RAD51B: variants seen among roughly 807,000 people sequenced by gnomAD.
RAD51B encodes the protein DNA repair protein RAD51 homolog 2.
In RAD51B, 38 loss-of-function variants were observed where a neutral mutation model predicts 42.2. The ratio of observed to expected loss-of-function variants is 0.90; its 90% CI spans 0.70 to 1.18. RAD51B has a LOEUF of 1.18. Ranked by LOEUF, RAD51B falls within the 50% of genes most tolerant of loss-of-function variation. RAD51B has a pLI of 0.00. For synonymous variants in RAD51B, 154 were observed against 145.2 expected, an observed-to-expected ratio of 1.06 and a Z score of -0.43; for missense variants, 373 against 400.7, an observed-to-expected ratio of 0.93 and a Z score of 0.59.
At chr14:68,056,000 T>A (rs1476723984) in intron 7 of RAD51B, among the ~76,000 whole-genome samples, 1 of 152,154 alleles carries the variant, frequency 6.6e-6, no homozygotes, top group Non-Finnish European at 1.5e-5. Flanking sequence ...AAGAAATGAC[T>A]TTTTTAGTGC....
At chr14:68,595,261 G>T (rs1890941880) in exon 11 of RAD51B, 1 of 1,060,064 alleles carries the variant, frequency 9.4e-7, no homozygotes, top group Non-Finnish European at 1.1e-6. Flanking sequence ...GCTTCCAGTT[G>T]CTTCTACAGG....
intron 8 of RAD51B, among the ~76,000 whole-genome samples, chr14:68,355,544 G>A (rs1436144451): frequency 6.6e-6 from 1 of 152,120 alleles, no homozygotes; most frequent in East Asian, 1.9e-4. Flanking sequence ...ATACCTCCCT[G>A]GAACCGGACT....
At chr14:68,359,504 T>G (rs2082975964) in intron 8 of RAD51B, among the ~76,000 whole-genome samples, 1 of 152,030 alleles carries the variant, frequency 6.6e-6, no homozygotes, top group African/African-American at 2.4e-5. Context: ...TGCTTCGAGG[T>G]AGTGAGTGGG....
chr14:68,431,439 A>G (rs535125844), intron 9 of RAD51B, among the ~76,000 whole-genome samples: 22 of 152,064 alleles, frequency 1.4e-4, no homozygotes, highest in Non-Finnish European at 2.9e-4. Flanking sequence ...GCCTGTTATT[A>G]GTCTATTCAG....
intron 7 of RAD51B, among the ~76,000 whole-genome samples, chr14:67,922,982 C>T (rs994997415): frequency 1.3e-5 from 2 of 152,158 alleles, no homozygotes; most frequent in Non-Finnish European, 2.9e-5. Context: ...TGGGCCACTG[C>T]GCCCAGCCGT....
chr14:68,500,549 T>C (rs1268501446), intron 10 of RAD51B, among the ~76,000 whole-genome samples: 2 of 152,236 alleles, frequency 1.3e-5, no homozygotes, highest in Non-Finnish European at 2.9e-5. Context: ...GCACTGGCAT[T>C]AGAGTTTCTT....
chr14:68,260,072 G>GA (rs1266509517), intron 7 of RAD51B, among the ~76,000 whole-genome samples: 1 of 148,638 alleles, frequency 6.7e-6, no homozygotes, highest in Non-Finnish European at 1.5e-5. Context: ...AAGTGATAAT[G>GA]GGGGGGTGTG....
At chr14:68,522,549 C>T (rs1886654999) in intron 10 of RAD51B, among the ~76,000 whole-genome samples, 1 of 152,196 alleles carries the variant, frequency 6.6e-6, no homozygotes, top group African/African-American at 2.4e-5. Context: ...GCTACACTTT[C>T]TAAAACAACC....
chr14:67,825,638 T>G (rs1274240532), intron 3 of RAD51B, 61 bp downstream of exon 3: 1 of 1,279,822 alleles, frequency 7.8e-7, no homozygotes, highest in African/African-American at 1.5e-5. Context: ...TAAACATGTT[T>G]TTTTAGGGAT....
chr14:67,836,487 CTT>C (rs61525158), intron 4 of RAD51B, among the ~76,000 whole-genome samples: 31 of 141,478 alleles, frequency 2.2e-4, no homozygotes, highest in East Asian at 2.0e-3. Flanking sequence ...AAATTAGCCT[CTT>C]TTTTTTTTTT....
intron 4 of RAD51B, among the ~76,000 whole-genome samples, chr14:67,844,663 A>G (rs1422238351): frequency 6.6e-6 from 1 of 150,750 alleles, no homozygotes; most frequent in Non-Finnish European, 1.5e-5. Flanking sequence ...GTACATGTGC[A>G]CAGCGTGCAG....
chr14:68,391,619 A>G (rs1484071579), intron 8 of RAD51B, among the ~76,000 whole-genome samples: 1 of 147,818 alleles, frequency 6.8e-6, no homozygotes, highest in East Asian at 2.0e-4. Context: ...GGACTTGGAG[A>G]TAAATAATAA....
chr14:68,646,988 T>C (rs1892575943), intron 10 of RAD51B, among the ~76,000 whole-genome samples: 1 of 152,226 alleles, frequency 6.6e-6, no homozygotes, highest in South Asian at 2.1e-4. Context: ...TCAACAAATA[T>C]TTATTGAGCA....
At chr14:68,365,257 G>A (rs181580968) in intron 8 of RAD51B, among the ~76,000 whole-genome samples, 54 of 152,362 alleles carry the variant, frequency 3.5e-4, no homozygotes, top group African/African-American at 1.2e-3. Context: ...GAGGAGGCAG[G>A]TTCTGTGTCT....
At chr14:67,893,467 GACACACACACACAC>G (rs756541648) in intron 7 of RAD51B, among the ~76,000 whole-genome samples, 4 of 111,292 alleles carry the variant, frequency 3.6e-5, no homozygotes, top group African/African-American at 1.6e-4. Flanking sequence ...CACAGACACA[GACACACACACACAC>G]ACACACACAC....
In RAD51B at chr14:68,504,474, A is replaced by G. The variant is rs1293386020; in HGVS notation, c.1036+36224A>G. Reference sequence around the variant, plus strand: ...CTGAGCTGGACCACTCACTTTAGGTAATGCCACAGCAGACAATCAGTGCCT... The same window carrying G: ...CTGAGCTGGACCACTCACTTTAGGTGATGCCACAGCAGACAATCAGTGCCT... On this transcript the variant is annotated intron_variant, in intron 10 of 10. Coordinates refer to the RAD51B transcript ENST00000487270. 3.3e-5 allele frequency among the ~76,000 whole-genome samples: 5 copies of G among 152,168 alleles called. No individual in the cohort carries two copies. The East Asian group carries it at 7.7e-4, about 23-fold the overall frequency.
At chr14:68,400,493 CA>C (rs1406046057) in intron 8 of RAD51B, among the ~76,000 whole-genome samples, 1 of 152,042 alleles carries the variant, frequency 6.6e-6, no homozygotes, top group African/African-American at 2.4e-5. Flanking sequence ...ATCAAGTGGT[CA>C]AAAAATGAGA....
rs374417881 is a variant in RAD51B, at chr14:68,144,276, T to A, written c.757-147608T>A. ...ACTTTCACCCCTGGCCTGTGTTGTT[T>A]CCCCACAGAGCTTGTCTGCATATGT... On this transcript the variant is annotated intron_variant, in intron 7 of 10. Transcript: ENST00000471583. Among the ~76,000 whole-genome samples the A allele has an allele frequency of 1.1e-4, 17 of 152,268 alleles. No individual in the cohort carries two copies. The East Asian group carries it at 2.7e-3, about 24-fold the overall frequency.
chr14:67,972,684 A>G (rs2074921492), intron 7 of RAD51B, among the ~76,000 whole-genome samples: 1 of 152,106 alleles, frequency 6.6e-6, no homozygotes, highest in African/African-American at 2.4e-5. Context: ...TGGTCTGCTT[A>G]ACCTGTAATT....
Sources: gnomAD v4.1 joint callset for allele counts (sites outside exome capture counted in the v4.1 genomes callset) on GRCh38, gnomAD v4.1.1 for gene constraint, MANE v1.5 for transcripts, NCBI Gene and HGNC (gene_info 2026-07-23, HGNC 2026-07-21) for gene names.